Variants in FHIT observed in about 807,000 individuals in gnomAD.
The protein encoded by FHIT is bis(5'-adenosyl)-triphosphatase.
Under a neutral mutation model 17.9 loss-of-function variants are expected in FHIT, and 19 were observed. The ratio of observed to expected loss-of-function variants is 1.06; its 90% CI spans 0.74 to 1.56. The LOEUF (loss-of-function observed/expected upper bound fraction) is 1.56, where lower values mean the gene tolerates loss of function less well. Ranked by LOEUF, FHIT falls within the 40% of genes most tolerant of loss-of-function variation. The pLI, the probability that FHIT is intolerant of heterozygous loss-of-function variation, is 0.00. For synonymous variants in FHIT, 81 were observed against 69.7 expected, an observed-to-expected ratio of 1.16 and a Z score of -0.81; for missense variants, 248 against 189.2, an observed-to-expected ratio of 1.31 and a Z score of -1.82.
intron 4 of FHIT, among the ~76,000 whole-genome samples, chr3:60,590,291 T>C (rs1553663728): frequency 6.6e-6 from 1 of 152,056 alleles, no homozygotes; most frequent in East Asian, 1.9e-4. Context: ...GTGGTCTGCT[T>C]CATGGATTCA....
At chr3:60,009,165 A>G (rs2361333) in intron 7 of FHIT, among the ~76,000 whole-genome samples, 6,153 of 54,052 alleles carry the variant, frequency 0.11, 903 homozygotes, top group East Asian at 0.43. Flanking sequence ...CTGGGATTTT[A>G]TGTGTGTGTG....
intron 8 of FHIT, among the ~76,000 whole-genome samples, chr3:59,806,479 C>T (rs566179188): frequency 2.6e-5 from 4 of 152,030 alleles, no homozygotes; most frequent in Non-Finnish European, 5.9e-5. Flanking sequence ...ATGGCTACCT[C>T]AAAACCTTGA....
chr3:59,751,697 C>A (rs901958592), intron 9 of FHIT: 5 of 229,848 alleles, frequency 2.2e-5, no homozygotes, highest in Non-Finnish European at 4.3e-5. Context: ...TTCCTAGGAG[C>A]CGAACATAAA....
intron 4 of FHIT, among the ~76,000 whole-genome samples, chr3:60,808,007 T>C (rs914849326): frequency 2.8e-4 from 42 of 152,340 alleles, no homozygotes; most frequent in Non-Finnish European, 3.1e-4. Context: ...AAAGTGTGAA[T>C]AGGCCATGAA....
intron 5 of FHIT, among the ~76,000 whole-genome samples, chr3:60,267,985 C>T (rs747375141): frequency 1.6e-4 from 24 of 152,132 alleles, no homozygotes; most frequent in Admixed American, 1.4e-3. Context: ...AAAATGACTT[C>T]GTGCAATCAC....
At chr3:60,548,030 T>C (rs1365080753) in intron 4 of FHIT, among the ~76,000 whole-genome samples, 1 of 151,928 alleles carries the variant, frequency 6.6e-6, no homozygotes, top group Non-Finnish European at 1.5e-5. Context: ...GAGATTCACA[T>C]TTGAGTCAGT....
intron 5 of FHIT, among the ~76,000 whole-genome samples, chr3:60,493,932 CTT>C (rs759200520): frequency 2.6e-4 from 40 of 152,140 alleles, no homozygotes; most frequent in African/African-American, 4.6e-4. Flanking sequence ...TTGGTTAAGA[CTT>C]TGCATTAGAA....
intron 8 of FHIT, among the ~76,000 whole-genome samples, chr3:59,769,373 T>C (rs955839539): frequency 1.3e-5 from 2 of 152,058 alleles, no homozygotes; most frequent in African/African-American, 4.8e-5. Flanking sequence ...TCACCCTCCA[T>C]TGGGTAAGGT....
chr3:60,950,470 G>A (rs1278677076), intron 3 of FHIT, among the ~76,000 whole-genome samples: 3 of 149,644 alleles, frequency 2.0e-5, no homozygotes, highest in East Asian at 1.9e-4. Context: ...AGGCTGCTAG[G>A]TAGGGCTTTT....
chr3:60,898,463 T>A (rs111390588), intron 3 of FHIT, among the ~76,000 whole-genome samples: 174 of 152,318 alleles, frequency 1.1e-3, no homozygotes, highest in Admixed American at 2.2e-3. Flanking sequence ...GTATGGTGGG[T>A]TCCCTTTACC....
At chr3:60,037,306 A>T (rs1178071329) in intron 5 of FHIT, among the ~76,000 whole-genome samples, 1 of 152,180 alleles carries the variant, frequency 6.6e-6, no homozygotes, top group African/African-American at 2.4e-5. Flanking sequence ...ATACTGCCAA[A>T]TAGGCACTAG....
intron 7 of FHIT, among the ~76,000 whole-genome samples, chr3:59,986,012 GA>G (rs942922444): frequency 9.2e-5 from 14 of 151,832 alleles, no homozygotes; most frequent in Middle Eastern, 3.4e-3. Context: ...ATGAGAGGAA[GA>G]AAAAAAACTC....
At chr3:61,070,872 T>C (rs919811400) in intron 2 of FHIT, among the ~76,000 whole-genome samples, 1 of 152,208 alleles carries the variant, frequency 6.6e-6, no homozygotes, top group Non-Finnish European at 1.5e-5. Flanking sequence ...GAGTGAATTA[T>C]TGGCATATTC....
intron 5 of FHIT, among the ~76,000 whole-genome samples, chr3:60,454,185 G>GAAAGC (rs1426329158): frequency 6.6e-6 from 1 of 152,036 alleles, no homozygotes; most frequent in Non-Finnish European, 1.5e-5. Flanking sequence ...GATGTGAAGA[G>GAAAGC]AAAGCAACCA....
chr3:59,833,873 G>C (rs1701250226), intron 8 of FHIT, among the ~76,000 whole-genome samples: 1 of 152,062 alleles, frequency 6.6e-6, no homozygotes, highest in African/African-American at 2.4e-5. Context: ...TTAAGTGTAT[G>C]GCACTTCCCA....
At chr3:60,533,319 C>A (rs895482297) in intron 5 of FHIT, among the ~76,000 whole-genome samples, 1 of 152,160 alleles carries the variant, frequency 6.6e-6, no homozygotes, top group Non-Finnish European at 1.5e-5. Flanking sequence ...TTAACTGGAA[C>A]AATGCATATA....
At position 60,955,614 on chromosome 3, in the gene FHIT, A is replaced by G. The variant is rs1458450674; in HGVS notation, c.-111+86433T>C. Among the ~76,000 whole-genome samples, 20 of 12,150 alleles carry G rather than the reference A, an allele frequency of 1.6e-3. 1 individual carries two copies. The highest frequency in any genetic ancestry group is 4.0e-3 in the Non-Finnish European group (14 of 3,528). The allele number at this position is 12,150 out of a possible 152,430, so 8.0% of individuals were successfully genotyped here. The stretch of plus-strand genomic sequence containing the variant: ...TATATATACATATATATATATATAT[A>G]TATATATATATATATATATACACAC... On this transcript the variant is annotated intron_variant, in intron 3 of 9. Transcript: ENST00000492590.
intron 2 of FHIT, among the ~76,000 whole-genome samples, chr3:61,192,173 A>C (rs1451873970): frequency 3.9e-5 from 6 of 152,210 alleles, no homozygotes; most frequent in Non-Finnish European, 8.8e-5. Flanking sequence ...AAAGAGCAAG[A>C]AATAGACACT....
chr3:60,276,056 C>T (rs570470737), intron 5 of FHIT, among the ~76,000 whole-genome samples: 4 of 150,762 alleles, frequency 2.7e-5, no homozygotes, highest in East Asian at 2.0e-4. Context: ...GGCATGATCT[C>T]GGCTCACTGC....
Sources: gnomAD v4.1 joint callset for allele counts (sites outside exome capture counted in the v4.1 genomes callset) on GRCh38, gnomAD v4.1.1 for gene constraint, MANE v1.5 for transcripts, NCBI Gene and HGNC (gene_info 2026-07-23, HGNC 2026-07-21) for gene names.